The following CLCN6 variants were observed in gnomAD, a reference collection of about 807,000 sequenced individuals.
CLCN6 encodes Cl-/H+ antiporter 6.
In CLCN6, 70 loss-of-function variants were observed where a neutral mutation model predicts 109.8. The observed-to-expected ratio is 0.64, with a 90% CI of 0.53 to 0.78. The LOEUF is 0.78. CLCN6 is among the 30% of genes least tolerant of loss of function. CLCN6 has a pLI of 0.00. For synonymous variants in CLCN6, 444 were observed against 447.8 expected (o/e 0.99, Z 0.11); for missense variants, 984 against 1,142.3 (o/e 0.86, Z 2.00).
rs1175152226 is a variant in CLCN6, at chr1:11,836,914, C to T, written c.1981-85C>T. The T allele has an allele frequency of 2.0e-6, 3 of 1,512,836 alleles. No homozygotes were observed. The African/African-American group carries it at 4.1e-5, about 21-fold the overall frequency. The allele number at this position is 1,512,836 out of a possible 1,614,324, so 93.7% of individuals were successfully genotyped here. ...TGCGTCCGGATGTGCTTCTGACCCT[C>T]CCTGTCACCCAAATCCTTAAGCTCC... On this transcript the variant is annotated intron_variant, in intron 18 of 22. Coordinates refer to ENST00000346436, the MANE Select transcript of CLCN6 (RefSeq NM_001286.5).
rs1644920912 is a variant in CLCN6, at chr1:11,834,531, C to A, written c.1734C>A (p.Ile578=). 1 of 1,614,002 alleles carries A rather than the reference C, an allele frequency of 6.2e-7. No homozygotes were observed. Among genetic ancestry groups the A allele is most frequent in the Admixed American group, 1.7e-5 (1 of 59,998 alleles). ...GDFFNKGIYD[I]HVGLRGVPLL... ...TTTTCAATAAGGGCATTTATGATAT[C>A]CACGTGGGCCTGCGAGGCGTGCCGC... The change falls in exon 17 of 23, where the codon ATC becomes ATA. Residue 578 remains isoleucine (I), a synonymous_variant. Transcript: ENST00000346436. This position sits in a 1 kb window ranked among gnomAD's most constrained non-coding sequence, Gnocchi z 4.5.
At chr1:11,820,041 A>G (rs1338843596) in intron 5 of CLCN6, among the ~76,000 whole-genome samples, 2 of 152,390 alleles carry the variant, frequency 1.3e-5, no homozygotes, top group Admixed American at 1.3e-4. Flanking sequence ...TGGTGCAGGA[A>G]TACCTAGACA....
intron 6 of CLCN6, 57 bp from the exon 7 acceptor site, chr1:11,823,650 G>A (rs977933393): frequency 1.2e-5 from 20 of 1,612,386 alleles, no homozygotes; most frequent in Admixed American, 1.7e-5. Flanking sequence ...ATTGTTGAGG[G>A]TAAGCCAGAG....
intron 2 of CLCN6, among the ~76,000 whole-genome samples, chr1:11,808,462 C>T (rs1400298355): frequency 3.3e-5 from 5 of 152,084 alleles, no homozygotes; most frequent in African/African-American, 1.2e-4. Context: ...CTATATGCAT[C>T]TCTAATGGAT....
At chr1:11,826,999 T>G in intron 9 of CLCN6, 90 bp from the exon 10 acceptor site, 127 of 1,491,648 alleles carry the variant, frequency 8.5e-5, no homozygotes, top group Middle Eastern at 3.6e-4. Context: ...TTCACAGGTG[T>G]GAGAAAATGT....
Position 11,835,986 on chromosome 1 carries a change from A to T in CLCN6, c.1813A>T (p.Met605Leu), listed in dbSNP as rs2100656472. ...EMDKLRASDIMEPNLTYVYPH... is the reference protein window; with the variant it reads ...EMDKLRASDILEPNLTYVYPH... ...CCCCAGGCTGAGAGCCAGCGACATC[A>T]TGGAGCCCAACCTGACCTACGTCTA... The change falls in exon 18 of 23, where the codon ATG becomes TTG. Residue 605 changes from methionine to leucine, a missense_variant. Transcript: ENST00000346436. 1 of 1,613,460 alleles carries T rather than the reference A, an allele frequency of 6.2e-7. No individual in the cohort carries two copies. The highest frequency in any genetic ancestry group is 8.5e-7 in the Non-Finnish European group (1 of 1,179,856).
At chr1:11,837,262 G>T (rs557631645) in intron 19 of CLCN6, 81 bp from the exon 20 acceptor site, 3 of 1,585,380 alleles carry the variant, frequency 1.9e-6, no homozygotes, top group African/African-American at 2.7e-5. Context: ...GGGAAAGTTG[G>T]ATGGGGAGCG....
intron 20 of CLCN6, among the ~76,000 whole-genome samples, chr1:11,837,919 G>A (rs1473093150): frequency 6.6e-6 from 1 of 152,170 alleles, no homozygotes; most frequent in East Asian, 1.9e-4. Context: ...AATCCAGCAT[G>A]GGTTCATCTG....
At chr1:11,838,780 C>A (rs1175527292) in intron 22 of CLCN6, 120 bp downstream of exon 22, 4 of 1,431,820 alleles carry the variant, frequency 2.8e-6, no homozygotes, top group Admixed American at 3.4e-5. Flanking sequence ...GAGAGTGTGG[C>A]CCAACACTAG....
chr1:11,834,124 CTG>C lies in CLCN6; in HGVS notation c.1526+97_1526+98del. The C allele has an allele frequency of 6.3e-7, 1 of 1,591,456 alleles. No individual in the cohort carries two copies. The highest frequency in any genetic ancestry group is 8.6e-7 in the Non-Finnish European group (1 of 1,168,780). On this transcript the variant is annotated intron_variant, in intron 15 of 22. Transcript: ENST00000346436. This position sits in a 1 kb window ranked among gnomAD's most constrained non-coding sequence, Gnocchi z 4.5. ...TGTGCGTGTGCGTGCGTTGATGTGT[CTG>C]TGCCCATGCATGCACATATGTGCAT...
At chr1:11,806,590 A>G in intron 1 of CLCN6, 2 of 461,858 alleles carry the variant, frequency 4.3e-6, no homozygotes, top group Non-Finnish European at 3.8e-6. Context: ...AATCCCACCC[A>G]TGTTTCCTTT....
At chr1:11,840,073 G>T in intron 22 of CLCN6, 70 bp from the exon 23 acceptor site, 2 of 1,266,000 alleles carry the variant, frequency 1.6e-6, no homozygotes, top group Non-Finnish European at 1.2e-6. Context: ...AACAGGGCCG[G>T]CTCCTGTCAC....
intron 19 of CLCN6, 75 bp from the exon 20 acceptor site, chr1:11,837,268 G>A (rs1644962410): frequency 2.5e-6 from 4 of 1,585,114 alleles, no homozygotes; most frequent in Non-Finnish European, 3.4e-6. Context: ...GTTGGATGGG[G>A]AGCGGGCTGG....
chr1:11,830,923 T>A (rs1486066823), intron 13 of CLCN6, among the ~76,000 whole-genome samples: 3 of 151,894 alleles, frequency 2.0e-5, no homozygotes, highest in Non-Finnish European at 4.4e-5. Context: ...AACTTCCGCC[T>A]CCCAAGTTCA....
chr1:11,835,456 A>G (rs1644932101), intron 17 of CLCN6, among the ~76,000 whole-genome samples: 1 of 151,938 alleles, frequency 6.6e-6, no homozygotes, highest in Non-Finnish European at 1.5e-5. Flanking sequence ...CATTTTTTTT[A>G]TAGAAATGGG....
intron 18 of CLCN6, 54 bp downstream of exon 18, chr1:11,836,207 C>T: frequency 6.5e-7 from 1 of 1,533,872 alleles, no homozygotes; most frequent in Non-Finnish European, 8.8e-7. Flanking sequence ...GGTCCCGTCT[C>T]ACACGGCTTA....
rs377354871 is a variant in CLCN6, at chr1:11,818,896, C to A, written c.280-592C>A. 1.6e-4 allele frequency among the ~76,000 whole-genome samples: 24 copies of A among 152,174 alleles called. 3 individuals carry two copies. Among genetic ancestry groups the A allele is most frequent in the Admixed American group, 5.2e-4 (8 of 15,292 alleles). On this transcript the variant is annotated intron_variant, in intron 4 of 22. Coordinates refer to ENST00000346436, the MANE Select transcript of CLCN6 (RefSeq NM_001286.5). ...GGCCAGCCTAGGCAATATAGCAAGA[C>A]CCCATCTCAAAAAAAGATGATTTCA...
intron 4 of CLCN6, among the ~76,000 whole-genome samples, chr1:11,817,218 G>A (rs749668009): frequency 3.3e-5 from 5 of 152,096 alleles, no homozygotes; most frequent in Non-Finnish European, 7.4e-5. Context: ...TCAGCCTCCC[G>A]AGTGGTTAGG....
chr1:11,840,227 C>G lies in CLCN6; in HGVS notation c.*4C>G, dbSNP rs374245665. The G allele has an allele frequency of 2.4e-5, 39 of 1,610,466 alleles. No homozygotes were observed. Among genetic ancestry groups the G allele is most frequent in the Admixed American group, 3.3e-5 (2 of 60,010 alleles). On this transcript the variant is annotated 3_prime_UTR_variant, in exon 23 of 23. Transcript: ENST00000346436. ...GCAGCACTACCAGACCATCTGACAG[C>G]CCAGCCCACCCTCTCCTGGTGCTGC...
Sources: gnomAD v4.1 joint callset for allele counts (sites outside exome capture counted in the v4.1 genomes callset) on GRCh38, gnomAD v4.1.1 for gene constraint, Gnocchi (gnomAD v3.1) non-coding constraint, MANE v1.5 for transcripts, NCBI Gene and HGNC (gene_info 2026-07-23, HGNC 2026-07-21) for gene names.